Variants in ZBTB2 observed in about 807,000 individuals in gnomAD.
ZBTB2 encodes the protein zinc finger and BTB domain containing 2, also known as zinc finger and BTB domain-containing protein 2.
Under a neutral mutation model 39.5 loss-of-function variants are expected in ZBTB2, and 2 were observed. The ratio of observed to expected loss-of-function variants is 0.05; its 90% CI spans 0.02 to 0.16. The LOEUF (loss-of-function observed/expected upper bound fraction) is 0.16, where lower values mean the gene tolerates loss of function less well. ZBTB2 is among the 10% of genes least tolerant of loss of function. The pLI, the probability that ZBTB2 is intolerant of heterozygous loss-of-function variation, is 1.00. For synonymous variants in ZBTB2, 251 were observed against 256.6 expected (o/e 0.98, Z 0.21); for missense variants, 391 against 653.0 (o/e 0.60, Z 4.37).
At position 151,376,810 on chromosome 6, in the gene ZBTB2, A is replaced by G. The variant is rs184204516; in HGVS notation, c.-12-3161T>C. Among the ~76,000 whole-genome samples, 607 of 152,364 alleles carry G rather than the reference A, an allele frequency of 4.0e-3. 1 individual carries two copies. Among genetic ancestry groups the G allele is most frequent in the Non-Finnish European group, 6.7e-3 (456 of 68,038 alleles). On this transcript the variant is annotated intron_variant, in intron 1 of 2. Coordinates refer to ENST00000325144, the MANE Select transcript of ZBTB2 (RefSeq NM_020861.3). ...AGTTTCTTAAAAAACTAAAAATGCA[A>G]CTACCACATGACCCAGCAACTGCAC...
At chr6:151,372,979 C>T (rs989304735) in intron 2 of ZBTB2, among the ~76,000 whole-genome samples, 2 of 151,586 alleles carry the variant, frequency 1.3e-5, no homozygotes, top group African/African-American at 4.8e-5. Flanking sequence ...ACAGTGAAAC[C>T]CCGTCTCTAC....
chr6:151,377,535 A>ATTTTTT (rs769474299), intron 1 of ZBTB2, among the ~76,000 whole-genome samples: 2 of 103,448 alleles, frequency 1.9e-5, no homozygotes, highest in Admixed American at 1.0e-4. Context: ...TGTCTGGCTA[A>ATTTTTT]TTTTTTTTTT....
intron 1 of ZBTB2, 57 bp from the exon 2 acceptor site, chr6:151,373,706 T>A: frequency 6.6e-7 from 1 of 1,503,980 alleles, no homozygotes; most frequent in Non-Finnish European, 9.1e-7. Context: ...GAATGTGTCC[T>A]TTATAGTCAC....
At chr6:151,377,189 T>C (rs1183941867) in intron 1 of ZBTB2, among the ~76,000 whole-genome samples, 2 of 151,938 alleles carry the variant, frequency 1.3e-5, no homozygotes, top group African/African-American at 4.8e-5. Context: ...GGCATGGCTA[T>C]GGAAGGGCAA....
chr6:151,381,922 AAC>A (rs1167567883), intron 1 of ZBTB2, among the ~76,000 whole-genome samples: 3 of 152,224 alleles, frequency 2.0e-5, no homozygotes, highest in Admixed American at 2.0e-4. Flanking sequence ...CTTGCTTAAC[AAC>A]AGAGATACGT....
In ZBTB2 at chr6:151,366,512, G is replaced by T. The variant is rs916579587; in HGVS notation, c.554C>A (p.Ala185Asp). Residue 185 changes from alanine to aspartate, a missense_variant, in exon 3 of 3, where the codon GCC becomes GAC. Physicochemically the swap from Ala to Asp is moderately radical, Grantham distance 126. Transcript: ENST00000325144. This position sits in a 1 kb window ranked among gnomAD's most constrained non-coding sequence, Gnocchi z 7.1. ...AGTCATATTTGTCCGATTCACCTGG[G>T]CCAGATTTGAAGTCAGCTGGGAGAG... ...SQLSQLTSNL[A>D]QVNRTNMTPS... The T allele has an allele frequency of 1.2e-6, 2 of 1,614,074 alleles. No homozygotes were observed. Among genetic ancestry groups the T allele is most frequent in the Non-Finnish European group, 1.7e-6 (2 of 1,180,010 alleles).
chr6:151,381,243 G>A (rs1319871428), intron 1 of ZBTB2, among the ~76,000 whole-genome samples: 1 of 152,058 alleles, frequency 6.6e-6, no homozygotes, highest in Admixed American at 6.5e-5. Flanking sequence ...CCTGTGGGCC[G>A]GGCACAGTGG....
At chr6:151,377,541 T>C (rs1278417008) in intron 1 of ZBTB2, among the ~76,000 whole-genome samples, 4 of 143,538 alleles carry the variant, frequency 2.8e-5, no homozygotes, top group African/African-American at 1.0e-4. Context: ...GCTAATTTTT[T>C]TTTTTTTTTT....
At chr6:151,388,266 G>A (rs547438104) in intron 1 of ZBTB2, among the ~76,000 whole-genome samples, 2 of 152,146 alleles carry the variant, frequency 1.3e-5, no homozygotes, top group Admixed American at 6.5e-5. Context: ...CTGGTGCCAC[G>A]GGACTTGCCC....
chr6:151,377,687 C>T (rs530740504), intron 1 of ZBTB2, among the ~76,000 whole-genome samples: 58 of 151,882 alleles, frequency 3.8e-4, no homozygotes, highest in Non-Finnish European at 7.5e-4. Context: ...CTACAAGCGC[C>T]CACCACCATG....
At chr6:151,380,837 C>T (rs1779018814) in intron 1 of ZBTB2, among the ~76,000 whole-genome samples, 1 of 152,186 alleles carries the variant, frequency 6.6e-6, no homozygotes, top group Admixed American at 6.5e-5. Context: ...TGATCTCTTT[C>T]ACTTCTCCTT....
intron 1 of ZBTB2, among the ~76,000 whole-genome samples, chr6:151,379,863 A>C (rs1778993839): frequency 6.6e-6 from 1 of 152,050 alleles, no homozygotes; most frequent in Non-Finnish European, 1.5e-5. Flanking sequence ...GGTGTATATT[A>C]TTTCCTTCAA....
intron 1 of ZBTB2, 68 bp from the exon 2 acceptor site, chr6:151,373,717 C>A: frequency 7.0e-7 from 1 of 1,434,230 alleles, no homozygotes; most frequent in Non-Finnish European, 9.5e-7. Flanking sequence ...TTATAGTCAC[C>A]AACAGTCATG....
At chr6:151,375,528 G>A (rs1366796618) in intron 1 of ZBTB2, among the ~76,000 whole-genome samples, 2 of 152,168 alleles carry the variant, frequency 1.3e-5, no homozygotes, top group Non-Finnish European at 2.9e-5. Context: ...AAATGTACAT[G>A]TAAAGGCAAA....
At chr6:151,375,111 C>A (rs1778880965) in intron 1 of ZBTB2, among the ~76,000 whole-genome samples, 1 of 151,850 alleles carries the variant, frequency 6.6e-6, no homozygotes, top group African/African-American at 2.4e-5. Context: ...CACAGCGAGA[C>A]TCCATCTCAA....
rs35997444 is a variant in ZBTB2 at position 151,365,558 on chromosome 6, G to T, written c.1508C>A (p.Ser503Tyr). Residue 503 changes from serine to tyrosine, a missense_variant, in exon 3 of 3, where the codon TCC (serine) becomes TAC (tyrosine). This residue lies in a region of ZBTB2 where 49 missense variants were observed against 55.6 expected (regional missense o/e 0.88). Transcript: ENST00000325144. This position sits in a 1 kb window ranked among gnomAD's most constrained non-coding sequence, Gnocchi z 5.6. ...VTEPDHPVLASIKKEQETVLL... is the reference protein window; with the variant it reads ...VTEPDHPVLAYIKKEQETVLL... ...GACGGTTTCTTGTTCCTTTTTGATG[G>T]AAGCTAACACTGGGTGGTCAGGCTC... is the stretch of plus-strand genomic sequence containing the variant. 1 of 1,610,738 alleles carries T rather than the reference G, an allele frequency of 6.2e-7. No homozygotes were observed. The highest frequency in any genetic ancestry group is 8.5e-7 in the Non-Finnish European group (1 of 1,178,936).
chr6:151,385,084 TA>T (rs1779124350), intron 1 of ZBTB2, among the ~76,000 whole-genome samples: 1 of 152,190 alleles, frequency 6.6e-6, no homozygotes, highest in Non-Finnish European at 1.5e-5. Flanking sequence ...TTGTCTTTTC[TA>T]AATTAGAATA....
chr6:151,373,869 A>ACAAAAC (rs1445752253), intron 1 of ZBTB2, among the ~76,000 whole-genome samples: 1 of 147,222 alleles, frequency 6.8e-6, no homozygotes, highest in South Asian at 2.3e-4. Context: ...AAAAAAAAAA[A>ACAAAAC]AAAAAAAACC....
Position 151,364,918 on chromosome 6 carries a change from C to T in ZBTB2, c.*603G>A, listed in dbSNP as rs1053788509. On this transcript the variant is annotated 3_prime_UTR_variant, in exon 3 of 3. Coordinates refer to ENST00000325144, the MANE Select transcript of ZBTB2 (RefSeq NM_020861.3). ...ATGTTGTACCCAAAAATTAAGATTG[C>T]CATCACATTATTACTTTTTCTCCTT... 1 of 152,666 alleles carries T rather than the reference C, an allele frequency of 6.6e-6. No homozygotes were observed. The highest frequency in any genetic ancestry group is 2.4e-5 in the African/African-American group (1 of 41,446). 9.5% of individuals were successfully genotyped at this position (152,666 alleles called of 1,614,324 possible).
Sources: gnomAD v4.1 joint callset for allele counts (sites outside exome capture counted in the v4.1 genomes callset) on GRCh38, gnomAD v4.1.1 for gene constraint, gnomAD v4.1.1 regional missense constraint, Gnocchi (gnomAD v3.1) non-coding constraint, MANE v1.5 for transcripts, NCBI Gene and HGNC (gene_info 2026-07-23, HGNC 2026-07-21) for gene names.